Variants in TYW1B observed in about 807,000 individuals in gnomAD.
TYW1B encodes tRNA-yW synthesizing protein 1 homolog B, also known as S-adenosyl-L-methionine-dependent tRNA 4-demethylwyosine synthase TYW1B.
A neutral mutation model predicts 86.9 loss-of-function variants in TYW1B; 73 were observed. The observed-to-expected ratio is 0.84, with a 90% CI of 0.70 to 1.02. The LOEUF (loss-of-function observed/expected upper bound fraction) is 1.02. Ranked by LOEUF, TYW1B falls within the 50% of genes least tolerant of loss-of-function variation. The probability of loss-of-function intolerance (pLI) is 0.00; values close to 1 mark genes in which losing one functional copy is unlikely to be tolerated. For synonymous variants in TYW1B, 248 were observed against 292.8 expected, an observed-to-expected ratio of 0.85 and a Z score of 1.56; for missense variants, 637 against 827.4, an observed-to-expected ratio of 0.77 and a Z score of 2.82.
chr7:72,815,001 G>T (rs1418764532), intron 3 of TYW1B, among the ~76,000 whole-genome samples: 1 of 149,476 alleles, frequency 6.7e-6, no homozygotes, highest in South Asian at 2.1e-4. Context: ...ACCTGGAGAC[G>T]GACACTGCAC....
At chr7:72,785,692 G>A (rs1352445195) in intron 6 of TYW1B, among the ~76,000 whole-genome samples, 3 of 151,942 alleles carry the variant, frequency 2.0e-5, no homozygotes, top group Non-Finnish European at 2.9e-5. Flanking sequence ...ACAGTGCTTC[G>A]GCCCAACTCT....
chr7:72,691,651 T>C (rs1382671351), intron 11 of TYW1B, among the ~76,000 whole-genome samples: 9 of 152,210 alleles, frequency 5.9e-5, no homozygotes, highest in Admixed American at 5.9e-4. Context: ...CAGATGGGCC[T>C]GACTTTGCAA....
intron 11 of TYW1B, among the ~76,000 whole-genome samples, chr7:72,637,780 T>G (rs1350596523): frequency 1.3e-5 from 2 of 151,782 alleles, no homozygotes; most frequent in South Asian, 2.1e-4. Flanking sequence ...CTTTACTAAG[T>G]AGGCATTTTG....
At chr7:72,785,899 G>C (rs1304527026) in intron 6 of TYW1B, among the ~76,000 whole-genome samples, 1 of 152,056 alleles carries the variant, frequency 6.6e-6, no homozygotes, top group African/African-American at 2.4e-5. Flanking sequence ...GATCACCTGA[G>C]GTCAGGAGTT....
At chr7:72,606,215 C>T (rs1397889979) in intron 13 of TYW1B, among the ~76,000 whole-genome samples, 2 of 151,970 alleles carry the variant, frequency 1.3e-5, no homozygotes, top group Non-Finnish European at 2.9e-5. Context: ...AAAAGAGTCC[C>T]AAGTAAAGGC....
At position 72,734,268 on chromosome 7, in the gene TYW1B, A is replaced by AAAAAAAAAAAAAAAAAAAAC. The variant is rs56806378; in HGVS notation, c.1083-5338_1083-5337insGTTTTTTTTTTTTTTTTTTT. ...TTAAAACTCCATCTCAAAAAAAAAAAACACAACAAAAAAACTATAAACCTA... is the reference window on the plus strand; with the variant it reads ...TTAAAACTCCATCTCAAAAAAAAAAAAAAAAAAAAAAAAAAAAAACACACAACAAAAAAACTATAAACCTA... On this transcript the variant is annotated intron_variant, in intron 8 of 13. Coordinates refer to ENST00000620995, the MANE Select transcript of TYW1B (RefSeq NM_001145440.3). 7.6e-4 allele frequency among the ~76,000 whole-genome samples: 75 copies of AAAAAAAAAAAAAAAAAAAAC among 98,114 alleles called. 7 individuals are homozygous for AAAAAAAAAAAAAAAAAAAAC. The highest frequency in any genetic ancestry group is 9.6e-4 in the Non-Finnish European group (46 of 47,690). The allele number at this position is 98,114 out of a possible 152,430, so 64.4% of individuals were successfully genotyped here. A position where few individuals can be genotyped will look rare whatever the true frequency, so the allele number is the denominator to read the frequency against.
At chr7:72,724,628 A>G (rs1362315075) in intron 9 of TYW1B, among the ~76,000 whole-genome samples, 1 of 152,218 alleles carries the variant, frequency 6.6e-6, no homozygotes, top group East Asian at 1.9e-4. Flanking sequence ...AAGAGCATCA[A>G]TGCACAAATA....
At chr7:72,616,408 T>C (rs1391010445) in intron 13 of TYW1B, among the ~76,000 whole-genome samples, 1 of 152,196 alleles carries the variant, frequency 6.6e-6, no homozygotes, top group Non-Finnish European at 1.5e-5. Context: ...TTTGCTTTTG[T>C]TTTGTTAGCA....
intron 8 of TYW1B, among the ~76,000 whole-genome samples, chr7:72,740,613 G>C (rs1345546866): frequency 3.3e-5 from 5 of 151,444 alleles, no homozygotes; most frequent in African/African-American, 1.2e-4. Context: ...TACAAGCATA[G>C]TTTAGAAAAC....
At chr7:72,827,554 G>A (rs1402473948) in intron 1 of TYW1B, among the ~76,000 whole-genome samples, 1 of 152,190 alleles carries the variant, frequency 6.6e-6, no homozygotes. Flanking sequence ...AGAAGCAAGA[G>A]AAGGAACATA....
rs1184818958 is a variant in TYW1B, at chr7:72,766,933, A to G, written c.964+10483T>C. Among the ~76,000 whole-genome samples, 4 of 152,184 alleles carry G rather than the reference A, an allele frequency of 2.6e-5. No individual in the cohort carries two copies. The East Asian group carries it at 7.7e-4, about 29-fold the overall frequency. On this transcript the variant is annotated intron_variant, in intron 7 of 13. Transcript: ENST00000620995. The stretch of plus-strand genomic sequence containing the variant: ...CAGAACAAGACTTTGTCTCAAAAAA[A>G]TAAATAAATAAAAATAACTACAGGA...
chr7:72,754,100 A>AG (rs1787547732), intron 7 of TYW1B, among the ~76,000 whole-genome samples: 1 of 152,142 alleles, frequency 6.6e-6, no homozygotes, highest in African/African-American at 2.4e-5. Context: ...TTGTAAAAAA[A>AG]TAATAACAAT....
At chr7:72,662,654 G>A (rs1322899603) in intron 11 of TYW1B, among the ~76,000 whole-genome samples, 3 of 152,144 alleles carry the variant, frequency 2.0e-5, no homozygotes, top group Non-Finnish European at 4.4e-5. Flanking sequence ...GGAAGGGAAG[G>A]TGCAAATGGC....
In TYW1B at chr7:72,810,596, C is replaced by G; in HGVS notation, c.307G>C (p.Glu103Gln). ...YTDGLPTESAEWFCKWLEEAS... is the reference protein window; with the variant it reads ...YTDGLPTESAQWFCKWLEEAS... ...TCCTCTAACCATTTGCAGAACCACT[C>G]TGCACTTTCGGTTGGTAGGCCGTCA... The change falls in exon 4 of 14, where the codon GAG becomes CAG. Residue 103 changes from glutamate (E) to glutamine (Q), a missense_variant. Coordinates refer to ENST00000620995, the MANE Select transcript of TYW1B (RefSeq NM_001145440.3). 6.2e-7 allele frequency: 1 copy of G among 1,613,912 alleles called. No individual in the cohort carries two copies. The highest frequency in any genetic ancestry group is 1.3e-5 in the African/African-American group (1 of 75,030).
chr7:72,576,347 G>A (rs1406231595), intron 13 of TYW1B, among the ~76,000 whole-genome samples: 1 of 152,162 alleles, frequency 6.6e-6, no homozygotes, highest in Non-Finnish European at 1.5e-5. Flanking sequence ...GACCTGGAAT[G>A]AAGAAAACAG....
At chr7:72,753,833 A>T (rs991239763) in intron 7 of TYW1B, among the ~76,000 whole-genome samples, 10 of 152,124 alleles carry the variant, frequency 6.6e-5, no homozygotes, top group African/African-American at 2.2e-4. Flanking sequence ...TGTTTTTTAA[A>T]TTACTTTTTT....
intron 13 of TYW1B, among the ~76,000 whole-genome samples, chr7:72,597,717 G>A (rs1222750946): frequency 3.9e-5 from 6 of 152,154 alleles, no homozygotes; most frequent in African/African-American, 1.4e-4. Flanking sequence ...AGTAACTTTT[G>A]CCAAAATTTT....
intron 11 of TYW1B, among the ~76,000 whole-genome samples, chr7:72,683,096 T>C (rs1383842422): frequency 2.0e-5 from 3 of 152,194 alleles, no homozygotes; most frequent in African/African-American, 7.2e-5. Context: ...TGCTTGGTTT[T>C]ATCAGAGCCT....
intron 11 of TYW1B, among the ~76,000 whole-genome samples, chr7:72,674,488 AT>A (rs368370886): frequency 1.3e-5 from 2 of 149,574 alleles, no homozygotes; most frequent in Admixed American, 6.7e-5. Flanking sequence ...CAACTCAAAG[AT>A]TTTTTTTTTA....
Sources: allele counts gnomAD v4.1 joint callset (sites outside exome capture counted in the v4.1 genomes callset), GRCh38; gene constraint gnomAD v4.1.1; transcripts MANE v1.5; gene names NCBI Gene and HGNC (gene_info 2026-07-23, HGNC 2026-07-21).